The following ARHGEF12 variants were observed in gnomAD, a reference collection of about 807,000 sequenced individuals.
The protein encoded by ARHGEF12 is Rho guanine nucleotide exchange factor 12, also known as KMT2A/ARHGEF12 fusion protein.
In ARHGEF12, 66 loss-of-function variants were observed where a neutral mutation model predicts 211.2. The ratio of observed to expected loss-of-function variants is 0.31; its 90% CI spans 0.26 to 0.38. The LOEUF (loss-of-function observed/expected upper bound fraction) is 0.38, where lower values mean the gene tolerates loss of function less well. ARHGEF12 is among the 10% of genes least tolerant of loss of function. The probability of loss-of-function intolerance (pLI) is 1.00; values close to 1 mark genes in which losing one functional copy is unlikely to be tolerated. For missense variants in ARHGEF12, 1,429 were observed against 1,869.5 expected, an observed-to-expected ratio of 0.76 and a Z score of 4.34; for synonymous variants, 592 against 638.4, an observed-to-expected ratio of 0.93 and a Z score of 1.09.
chr11:120,363,013 T>G (rs897377671), intron 1 of ARHGEF12, among the ~76,000 whole-genome samples: 34 of 152,148 alleles, frequency 2.2e-4, no homozygotes, highest in Non-Finnish European at 2.4e-4. Context: ...GGCAGGAGAA[T>G]GGCGTGAACT....
At position 120,420,737 on chromosome 11, in the gene ARHGEF12, T is replaced by C. The variant is rs748339645; in HGVS notation, c.200-16T>C. On this transcript the variant is annotated splice_polypyrimidine_tract_variant and intron_variant, in intron 4 of 40. Transcript: ENST00000397843. ...TTTTCTCTTCCTTCTTGTTTTACAC[T>C]GTGGTTCTTGTGCAGGTCTTGTTCA... 6.2e-7 allele frequency: 1 copy of C among 1,605,270 alleles called. No homozygotes were observed. The highest frequency in any genetic ancestry group is 8.5e-7 in the Non-Finnish European group (1 of 1,172,158).
chr11:120,413,323 G>A (rs920423657), intron 4 of ARHGEF12, among the ~76,000 whole-genome samples: 5 of 152,086 alleles, frequency 3.3e-5, no homozygotes, highest in East Asian at 1.9e-4. Context: ...AGCTACTTTT[G>A]TTGTTTCTGA....
intron 36 of ARHGEF12, 126 bp downstream of exon 36, chr11:120,477,652 G>A (rs1377300492): frequency 9.7e-6 from 8 of 823,888 alleles, no homozygotes; most frequent in African/African-American, 1.7e-5. Context: ...ATCACCTGAG[G>A]CCAGGAGTTA....
chr11:120,397,352 C>T (rs1186842599), intron 1 of ARHGEF12, among the ~76,000 whole-genome samples: 1 of 152,152 alleles, frequency 6.6e-6, no homozygotes, highest in Non-Finnish European at 1.5e-5. Flanking sequence ...AGTGTGTCCT[C>T]TCTTTTCTGT....
At chr11:120,359,864 G>C (rs1164713274) in intron 1 of ARHGEF12, among the ~76,000 whole-genome samples, 2 of 152,180 alleles carry the variant, frequency 1.3e-5, no homozygotes, top group Non-Finnish European at 2.9e-5. Context: ...AAAGTTGAAA[G>C]TAGAATGTAA....
chr11:120,428,098 G>A lies in ARHGEF12; in HGVS notation c.436G>A (p.Gly146Arg), dbSNP rs758053707. The A allele has an allele frequency of 6.2e-7, 1 of 1,606,546 alleles. No individual in the cohort carries two copies. The change falls in exon 8 of 41, where the codon GGA (glycine) becomes AGA (arginine). Residue 146 changes from glycine (G) to arginine (R), a missense_variant. Coordinates refer to ENST00000397843, the MANE Select transcript of ARHGEF12 (RefSeq NM_015313.3). ...SGSYVALTVQ[G>R]RPPGSPQIPL... ...TTCCTATGTAGCTCTCACTGTTCAG[G>A]GACGCCCACCTGGGTCGCCCCAGAT...
At chr11:120,424,501 T>A in intron 7 of ARHGEF12, 86 bp downstream of exon 7, 1 of 1,113,094 alleles carries the variant, frequency 9.0e-7, no homozygotes, top group Non-Finnish European at 1.4e-6. Flanking sequence ...GGCCAAATAG[T>A]AAATATTTAG....
intron 1 of ARHGEF12, among the ~76,000 whole-genome samples, chr11:120,379,885 T>A (rs1039483799): frequency 1.3e-5 from 2 of 152,210 alleles, no homozygotes; most frequent in Non-Finnish European, 2.9e-5. Flanking sequence ...ATTGTTCTTG[T>A]TCCTTTGTTC....
chr11:120,350,692 A>G (rs1310323648), intron 1 of ARHGEF12, among the ~76,000 whole-genome samples: 4 of 152,134 alleles, frequency 2.6e-5, no homozygotes, highest in Admixed American at 1.3e-4. Flanking sequence ...TCAGTGAACT[A>G]TTTAGACCAA....
rs143361463 is a variant in ARHGEF12, at chr11:120,393,000, A to G, written c.33-13118A>G. On this transcript the variant is annotated intron_variant, in intron 1 of 40. Coordinates refer to ENST00000397843, the MANE Select transcript of ARHGEF12 (RefSeq NM_015313.3). ...GAGGAATAGTAGATAACTGAATAAA[A>G]TCGGAGTTCTCTTAAAAGGAAGGCT... Among the ~76,000 whole-genome samples, 414 of 152,318 alleles carry G rather than the reference A, an allele frequency of 2.7e-3. 7 individuals carry two copies. Among genetic ancestry groups the G allele is most frequent in the Admixed American group, 0.02 (304 of 15,302 alleles).
chr11:120,350,311 C>G (rs369566755), intron 1 of ARHGEF12, among the ~76,000 whole-genome samples: 1 of 151,960 alleles, frequency 6.6e-6, no homozygotes, highest in African/African-American at 2.4e-5. Flanking sequence ...GTCAGGAGAT[C>G]GAGACCATCC....
chr11:120,336,481 G>A lies in ARHGEF12; in HGVS notation c.-763G>A, dbSNP rs891902550. On this transcript the variant is annotated 5_prime_UTR_variant, in exon 1 of 41. Coordinates refer to ENST00000397843, the MANE Select transcript of ARHGEF12 (RefSeq NM_015313.3). Reference sequence around the variant, plus strand: ...CCGCCTCCCGGACCAGGGCTTCCAGGCCGGGCCGGACGGGCATCTCCCGCC... The same window carrying A: ...CCGCCTCCCGGACCAGGGCTTCCAGACCGGGCCGGACGGGCATCTCCCGCC... 3.3e-5 allele frequency among the ~76,000 whole-genome samples: 5 copies of A among 151,852 alleles called. No individual in the cohort carries two copies. Among genetic ancestry groups the A allele is most frequent in the African/African-American group, 7.2e-5 (3 of 41,412 alleles).
chr11:120,348,728 C>G (rs1325742714), intron 1 of ARHGEF12, among the ~76,000 whole-genome samples: 1 of 152,076 alleles, frequency 6.6e-6, no homozygotes, highest in Non-Finnish European at 1.5e-5. Flanking sequence ...GTAATTCCAG[C>G]TACTCGGGAG....
chr11:120,478,073 T>C lies in ARHGEF12; in HGVS notation c.3533-83T>C, dbSNP rs1947109934. On this transcript the variant is annotated intron_variant, in intron 36 of 40. Coordinates refer to ENST00000397843, the MANE Select transcript of ARHGEF12 (RefSeq NM_015313.3). ...GTAGTTTATGGATTGTTTTTTTTTT[T>C]TCTGATTCTTCCCTGAATGCTTCAT... 4 of 905,816 alleles carry C rather than the reference T, an allele frequency of 4.4e-6. No homozygotes were observed. The South Asian group carries it at 6.9e-5, about 16-fold the overall frequency. 56.1% of individuals were successfully genotyped at this position (905,816 alleles called of 1,614,324 possible). A position where few individuals can be genotyped will look rare whatever the true frequency, so the allele number is the denominator to read the frequency against.
intron 1 of ARHGEF12, among the ~76,000 whole-genome samples, chr11:120,396,231 TA>T: frequency 6.6e-6 from 1 of 152,120 alleles, no homozygotes. Flanking sequence ...CCCATACTGA[TA>T]AAAATGATTA....
At chr11:120,368,351 G>A (rs1473456033) in intron 1 of ARHGEF12, among the ~76,000 whole-genome samples, 3 of 152,108 alleles carry the variant, frequency 2.0e-5, no homozygotes, top group Non-Finnish European at 4.4e-5. Context: ...CTATGTTGCC[G>A]AGGCTGGTCT....
At chr11:120,373,059 A>G (rs1022664552) in intron 1 of ARHGEF12, among the ~76,000 whole-genome samples, 6 of 152,192 alleles carry the variant, frequency 3.9e-5, no homozygotes, top group Non-Finnish European at 5.9e-5. Flanking sequence ...AAGTATAACA[A>G]TGCTTTAAAA....
Position 120,451,642 on chromosome 11 carries a change from T to C in ARHGEF12, c.1974T>C (p.Ala658=), listed in dbSNP as rs1946218832. 3 of 1,614,002 alleles carry C rather than the reference T, an allele frequency of 1.9e-6. No homozygotes were observed. The highest frequency in any genetic ancestry group is 2.5e-6 in the Non-Finnish European group (3 of 1,180,016). The change falls in exon 22 of 41, where the codon GCT becomes GCC. Residue 658 remains alanine, a synonymous_variant. Coordinates refer to ENST00000397843, the MANE Select transcript of ARHGEF12 (RefSeq NM_015313.3). ...GGTTAGCAAATGAAGGAACAGACGC[T>C]GGATACCTGCCTGCCAATTCCATGT... ...QSGLANEGTD[A]GYLPANSMSS...
At chr11:120,345,030 C>T (rs1014802087) in intron 1 of ARHGEF12, among the ~76,000 whole-genome samples, 3 of 152,148 alleles carry the variant, frequency 2.0e-5, no homozygotes, top group African/African-American at 7.2e-5. Flanking sequence ...TGCTCTAGTA[C>T]TGGTTAAGGC....
Sources: gnomAD v4.1 joint callset for allele counts (sites outside exome capture counted in the v4.1 genomes callset) on GRCh38, gnomAD v4.1.1 for gene constraint, MANE v1.5 for transcripts, NCBI Gene and HGNC (gene_info 2026-07-23, HGNC 2026-07-21) for gene names.